KCNB2: variants seen among roughly 807,000 people sequenced by gnomAD.
The protein encoded by KCNB2 is delayed rectifier potassium channel protein.
Under a neutral mutation model 61.5 loss-of-function variants are expected in KCNB2, and 15 were observed. The ratio of observed to expected loss-of-function variants is 0.24; its 90% CI spans 0.16 to 0.38. The LOEUF (loss-of-function observed/expected upper bound fraction) is 0.38. Ranked by LOEUF, KCNB2 falls within the 10% of genes least tolerant of loss-of-function variation. The pLI is 1.00. For synonymous variants in KCNB2, 457 were observed against 446.0 expected (o/e 1.02, Z -0.31); for missense variants, 828 against 1,125.2 (o/e 0.74, Z 3.78).
intron 2 of KCNB2, among the ~76,000 whole-genome samples, chr8:72,925,356 A>T (rs1806619879): frequency 6.6e-6 from 1 of 152,230 alleles, no homozygotes; most frequent in Non-Finnish European, 1.5e-5. Flanking sequence ...ATATGCTTTC[A>T]GGGGACAGCT....
intron 2 of KCNB2, among the ~76,000 whole-genome samples, chr8:72,925,523 GTT>G (rs1317746561): frequency 2.0e-5 from 3 of 152,162 alleles, no homozygotes; most frequent in Non-Finnish European, 4.4e-5. Flanking sequence ...AAAGAGAAAT[GTT>G]TAAACATATG....
intron 2 of KCNB2, among the ~76,000 whole-genome samples, chr8:72,648,428 A>G (rs1806164257): frequency 6.6e-6 from 1 of 152,114 alleles, no homozygotes; most frequent in African/African-American, 2.4e-5. Context: ...TTCACCACCC[A>G]TGCCAAGCTA....
chr8:72,901,475 G>A (rs1481182746), intron 2 of KCNB2, among the ~76,000 whole-genome samples: 1 of 152,130 alleles, frequency 6.6e-6, no homozygotes, highest in Non-Finnish European at 1.5e-5. Context: ...TGCACCAAAA[G>A]CAGTACATTA....
At chr8:72,679,941 GATGCATCACTGTGTA>G (rs1806724587) in intron 2 of KCNB2, among the ~76,000 whole-genome samples, 1 of 152,210 alleles carries the variant, frequency 6.6e-6, no homozygotes, top group Non-Finnish European at 1.5e-5. Context: ...CTAATGGAAT[GATGCATCACTGTGTA>G]ATGGGTCCTG....
chr8:72,749,207 C>G (rs1229584643), intron 2 of KCNB2: 1 of 152,174 alleles, frequency 6.6e-6, no homozygotes, highest in Admixed American at 6.6e-5. Flanking sequence ...CAGCCTCCAA[C>G]TCCTGGGCTC....
chr8:72,937,225 C>T lies in KCNB2; in HGVS notation c.1870C>T (p.Pro624Ser), dbSNP rs1443048474. 1 of 1,613,960 alleles carries T rather than the reference C, an allele frequency of 6.2e-7. No homozygotes were observed. Among genetic ancestry groups the T allele is most frequent in the African/African-American group, 1.3e-5 (1 of 74,922 alleles). The change falls in exon 3 of 3, where the codon CCC (proline) becomes TCC (serine). Residue 624 changes from proline (P) to serine (S), a missense_variant. Pro to Ser is a moderately conservative substitution (Grantham distance 74). This residue lies in a region of KCNB2 where 559 missense variants were observed against 588.4 expected (regional missense o/e 0.95). Transcript: ENST00000523207. ...TETERSPLPPPSASHLQMKFP... is the reference protein window; with the variant it reads ...TETERSPLPPSSASHLQMKFP... Reference sequence around the variant, plus strand: ...GACAGAGAGATCGCCGCTGCCGCCGCCCTCCGCCTCTCACTTGCAGATGAA... The same window carrying T: ...GACAGAGAGATCGCCGCTGCCGCCGTCCTCCGCCTCTCACTTGCAGATGAA...
chr8:72,772,454 T>G (rs770011024), intron 2 of KCNB2, among the ~76,000 whole-genome samples: 4 of 152,162 alleles, frequency 2.6e-5, no homozygotes, highest in African/African-American at 7.2e-5. Flanking sequence ...TGAGAACCAC[T>G]GGGTTAAGGG....
At chr8:72,776,480 A>G (rs1303156272) in intron 2 of KCNB2, among the ~76,000 whole-genome samples, 2 of 152,208 alleles carry the variant, frequency 1.3e-5, no homozygotes, top group African/African-American at 4.8e-5. Context: ...TAATTTACAT[A>G]TGTTTGGTTT....
intron 2 of KCNB2, among the ~76,000 whole-genome samples, chr8:72,630,519 C>A (rs1050147561): frequency 6.6e-6 from 1 of 152,148 alleles, no homozygotes; most frequent in Non-Finnish European, 1.5e-5. Context: ...GTACCACAAA[C>A]TGAGCAGCTT....
intron 2 of KCNB2, among the ~76,000 whole-genome samples, chr8:72,656,157 T>A (rs570986427): frequency 6.6e-6 from 1 of 152,298 alleles, no homozygotes; most frequent in Admixed American, 6.5e-5. Flanking sequence ...TTTGCAGCAC[T>A]GGGACTTTCA....
rs2128978992 is a variant in KCNB2 at position 72,567,642 on chromosome 8, C to T, written c.-93C>T. 1 of 798,422 alleles carries T rather than the reference C, an allele frequency of 1.3e-6. No individual in the cohort carries two copies. Among genetic ancestry groups the T allele is most frequent in the South Asian group, 2.0e-5 (1 of 50,210 alleles). The allele number at this position is 798,422 out of a possible 1,614,324, so 49.5% of individuals were successfully genotyped here. ...CCAAGTGATTGTTGCTTTCTTCCAGCTTTGTCAGTGGAAATGCCTGCCCCA... is the reference window on the plus strand; with the variant it reads ...CCAAGTGATTGTTGCTTTCTTCCAGTTTTGTCAGTGGAAATGCCTGCCCCA... On this transcript the variant is annotated splice_region_variant and 5_prime_UTR_variant, in exon 2 of 3. Transcript: ENST00000523207.
At chr8:72,886,723 A>G (rs188826183) in intron 2 of KCNB2, among the ~76,000 whole-genome samples, 169 of 152,382 alleles carry the variant, frequency 1.1e-3, no homozygotes, top group African/African-American at 3.8e-3. Flanking sequence ...TGACGTTCAC[A>G]GTCCAGACTC....
At chr8:72,706,446 G>C (rs1202446537) in intron 2 of KCNB2, among the ~76,000 whole-genome samples, 3 of 152,126 alleles carry the variant, frequency 2.0e-5, no homozygotes, top group Admixed American at 2.0e-4. Flanking sequence ...TAAATAAAAT[G>C]CCTTTTCTTT....
intron 2 of KCNB2, among the ~76,000 whole-genome samples, chr8:72,832,184 A>G (rs1049176312): frequency 6.6e-6 from 1 of 152,246 alleles, no homozygotes; most frequent in African/African-American, 2.4e-5. Context: ...AAAGGTGTAC[A>G]TGTGAGAGAA....
chr8:72,851,435 C>T (rs1810105437), intron 2 of KCNB2, among the ~76,000 whole-genome samples: 1 of 152,110 alleles, frequency 6.6e-6, no homozygotes, highest in South Asian at 2.1e-4. Context: ...ATTTGAGGTT[C>T]AAAATGAATT....
At chr8:72,640,994 T>C (rs1226128451) in intron 2 of KCNB2, among the ~76,000 whole-genome samples, 2 of 152,108 alleles carry the variant, frequency 1.3e-5, no homozygotes, top group African/African-American at 4.8e-5. Flanking sequence ...TTATAGGTAT[T>C]GGGACAGGAG....
At chr8:72,857,911 G>A (rs937020892) in intron 2 of KCNB2, among the ~76,000 whole-genome samples, 1 of 152,054 alleles carries the variant, frequency 6.6e-6, no homozygotes, top group African/African-American at 2.4e-5. Context: ...ACAAGTGGGT[G>A]CACAGGAATA....
Position 72,937,690 on chromosome 8 carries a change from G to A in KCNB2, c.2335G>A (p.Gly779Arg), listed in dbSNP as rs1329307506. 1 of 1,613,936 alleles carries A rather than the reference G, an allele frequency of 6.2e-7. No individual in the cohort carries two copies. ...CACTGAGGTTTCAGCGCCTTGTCAG[G>A]GACCTTCCAAAGGGCTGTCCCCCAG... ...LGTEVSAPCQ[G>R]PSKGLSPRFP... Residue 779 changes from glycine (G) to arginine (R), a missense_variant, in exon 3 of 3, where the codon GGA becomes AGA. Coordinates refer to ENST00000523207, the MANE Select transcript of KCNB2 (RefSeq NM_004770.3).
intron 2 of KCNB2, among the ~76,000 whole-genome samples, chr8:72,569,633 T>TAA (rs11463448): frequency 1.1e-4 from 17 of 150,264 alleles, no homozygotes; most frequent in East Asian, 7.8e-4. Flanking sequence ...ATTTTACTTG[T>TAA]AAAAAAAAAA....
Sources: allele counts gnomAD v4.1 joint callset (sites outside exome capture counted in the v4.1 genomes callset), GRCh38; gene constraint gnomAD v4.1.1; regional missense constraint gnomAD v4.1.1; transcripts MANE v1.5; gene names NCBI Gene and HGNC (gene_info 2026-07-23, HGNC 2026-07-21).